Variants in RBFOX1 observed in about 807,000 individuals in gnomAD.
RBFOX1 encodes the protein RNA binding protein fox-1 homolog 1.
In RBFOX1, 8 loss-of-function variants were observed where a neutral mutation model predicts 57.7. The observed-to-expected ratio is 0.14, with a 90% CI of 0.08 to 0.25. The LOEUF (loss-of-function observed/expected upper bound fraction) is 0.25, where lower values mean the gene tolerates loss of function less well. Ranked by LOEUF, RBFOX1 falls within the 10% of genes least tolerant of loss-of-function variation. The pLI is 1.00. For synonymous variants in RBFOX1, 326 were observed against 222.4 expected (o/e 1.47, Z -4.15); for missense variants, 611 against 548.5 (o/e 1.11, Z -1.14).
intron 2 of RBFOX1, among the ~76,000 whole-genome samples, chr16:6,499,903 G>T (rs1262591013): frequency 6.6e-6 from 1 of 152,164 alleles, no homozygotes; most frequent in East Asian, 1.9e-4. Context: ...AAAGGATGTG[G>T]TAAGGGTGAG....
chr16:5,982,088 G>A (rs1596338819), intron 4 of RBFOX1, among the ~76,000 whole-genome samples: 1 of 152,258 alleles, frequency 6.6e-6, no homozygotes, highest in Middle Eastern at 3.4e-3. Flanking sequence ...GCCATCTCAT[G>A]GGGCACAGGG....
chr16:7,469,076 G>C (rs2061064650), intron 4 of RBFOX1, among the ~76,000 whole-genome samples: 1 of 152,184 alleles, frequency 6.6e-6, no homozygotes, highest in South Asian at 2.1e-4. Context: ...TGGGGCTACA[G>C]GTGCCCAGCA....
In RBFOX1 at chr16:6,542,894, G is replaced by A. The variant is rs188206957; in HGVS notation, c.-63-111709G>A. ...TTGGCCTGGCATTGACTTCCTCTGG[G>A]TACATTAGTGGGGACCACACCGTGC... On this transcript the variant is annotated intron_variant, in intron 2 of 15. Coordinates refer to ENST00000550418, the MANE Select transcript of RBFOX1 (RefSeq NM_018723.4). Among the ~76,000 whole-genome samples the A allele has an allele frequency of 5.6e-3, 850 of 152,108 alleles. 5 individuals carry two copies. The highest frequency in any genetic ancestry group is 8.6e-3 in the Non-Finnish European group (584 of 67,988).
intron 4 of RBFOX1, among the ~76,000 whole-genome samples, chr16:5,966,353 C>G (rs1256693485): frequency 6.6e-6 from 1 of 152,174 alleles, no homozygotes; most frequent in African/African-American, 2.4e-5. Flanking sequence ...TCCAGGGAAG[C>G]CTCATGGGGC....
At chr16:5,386,261 G>T (rs1208623208) in intron 1 of RBFOX1, among the ~76,000 whole-genome samples, 12 of 151,996 alleles carry the variant, frequency 7.9e-5, no homozygotes, top group Admixed American at 6.6e-5. Context: ...AAGGCTGGGG[G>T]TGGGTAGATA....
chr16:6,264,279 C>T (rs897962331), intron 1 of RBFOX1, among the ~76,000 whole-genome samples: 3 of 152,096 alleles, frequency 2.0e-5, no homozygotes, highest in Non-Finnish European at 4.4e-5. Context: ...AGTATGCAAC[C>T]GTTTCCATAA....
intron 3 of RBFOX1, among the ~76,000 whole-genome samples, chr16:6,763,241 TAATC>T (rs1201661927): frequency 1.3e-5 from 2 of 152,212 alleles, no homozygotes; most frequent in Non-Finnish European, 2.9e-5. Context: ...AGGAATGAAT[TAATC>T]AATAAATGGT....
At chr16:6,281,904 G>A (rs145078920) in intron 1 of RBFOX1, among the ~76,000 whole-genome samples, 9 of 152,196 alleles carry the variant, frequency 5.9e-5, no homozygotes, top group African/African-American at 2.2e-4. Flanking sequence ...CTACCCCACT[G>A]CCCGCCTGAG....
intron 3 of RBFOX1, among the ~76,000 whole-genome samples, chr16:5,653,490 G>A (rs1393494765): frequency 7.0e-5 from 2 of 28,430 alleles, no homozygotes; most frequent in Non-Finnish European, 2.0e-4. Context: ...GCCGTGTGCT[G>A]CGTCTTTGAG....
At chr16:5,478,885 C>A (rs1279519831) in intron 2 of RBFOX1, among the ~76,000 whole-genome samples, 2 of 152,134 alleles carry the variant, frequency 1.3e-5, no homozygotes, top group Non-Finnish European at 2.9e-5. Context: ...GTCAGGCAAC[C>A]CTCTCTGTCT....
At chr16:7,197,972 C>G (rs1458694218) in intron 4 of RBFOX1, among the ~76,000 whole-genome samples, 1 of 141,284 alleles carries the variant, frequency 7.1e-6, no homozygotes, top group Non-Finnish European at 1.5e-5. Context: ...TTCCACTCAG[C>G]TCATACCTTG....
chr16:6,207,160 C>G (rs891056481), intron 1 of RBFOX1, among the ~76,000 whole-genome samples: 1 of 152,122 alleles, frequency 6.6e-6, no homozygotes, highest in Non-Finnish European at 1.5e-5. Context: ...CAAAATTAAC[C>G]CTGCTGCTGC....
chr16:6,057,843 T>TTTG (rs2095633839), intron 1 of RBFOX1, among the ~76,000 whole-genome samples: 1 of 149,680 alleles, frequency 6.7e-6, no homozygotes, highest in Non-Finnish European at 1.5e-5. Flanking sequence ...TTTTTTTTTT[T>TTTG]TTTTTGAGGC....
At chr16:6,193,771 C>T (rs993804747) in intron 1 of RBFOX1, among the ~76,000 whole-genome samples, 7 of 151,888 alleles carry the variant, frequency 4.6e-5, no homozygotes, top group African/African-American at 1.5e-4. Context: ...CCTGTTTTAC[C>T]CTCCCCACTG....
intron 12 of RBFOX1, 138 bp downstream of exon 12, chr16:7,654,085 C>T (rs1433800748): frequency 1.2e-6 from 1 of 852,862 alleles, no homozygotes; most frequent in Non-Finnish European, 1.7e-6. Flanking sequence ...GCAGCCCGGC[C>T]GCGCACCTGC....
At chr16:6,378,624 C>A (rs375286675) in intron 2 of RBFOX1, among the ~76,000 whole-genome samples, 2 of 152,158 alleles carry the variant, frequency 1.3e-5, no homozygotes, top group African/African-American at 4.8e-5. Context: ...AATGTCCACT[C>A]CCTAGTCCTC....
At chr16:7,563,486 C>A (rs8051555) in intron 5 of RBFOX1, among the ~76,000 whole-genome samples, 1 of 152,176 alleles carries the variant, frequency 6.6e-6, no homozygotes, top group African/African-American at 2.4e-5. Flanking sequence ...TTTCTTGCTT[C>A]AAACAAAGTC....
intron 2 of RBFOX1, among the ~76,000 whole-genome samples, chr16:6,568,765 A>G (rs546846514): frequency 6.6e-6 from 1 of 151,888 alleles, no homozygotes; most frequent in South Asian, 2.1e-4. Flanking sequence ...GTGTGCTTAT[A>G]ACTCTTTTTT....
At chr16:6,846,388 A>T (rs6500850) in intron 3 of RBFOX1, among the ~76,000 whole-genome samples, 102,022 of 152,136 alleles carry the variant, frequency 0.67, 34,846 homozygotes, top group East Asian at 0.88. Flanking sequence ...GTATTGCTGA[A>T]AAGCAGGCCT....
Sources: gnomAD v4.1 joint callset for allele counts (sites outside exome capture counted in the v4.1 genomes callset) on GRCh38, gnomAD v4.1.1 for gene constraint, MANE v1.5 for transcripts, NCBI Gene and HGNC (gene_info 2026-07-23, HGNC 2026-07-21) for gene names.